BRIP1: variants seen among roughly 807,000 people sequenced by gnomAD.
BRIP1 encodes the protein BRCA1 interacting DNA helicase 1.
In BRIP1, 88 loss-of-function variants were observed where a neutral mutation model predicts 119.7. The observed-to-expected ratio is 0.74, with a 90% CI of 0.62 to 0.88. The LOEUF (loss-of-function observed/expected upper bound fraction) is 0.88. Among genes scored for constraint, BRIP1 ranks in the 40% least tolerant of loss-of-function variants. The probability of loss-of-function intolerance (pLI) is 0.00; values close to 1 mark genes in which losing one functional copy is unlikely to be tolerated. For missense variants in BRIP1, 1,259 were observed against 1,455.4 expected, an observed-to-expected ratio of 0.87 and a Z score of 2.20; for synonymous variants, 443 against 496.5, an observed-to-expected ratio of 0.89 and a Z score of 1.43.
intron 16 of BRIP1, among the ~76,000 whole-genome samples, chr17:61,731,641 C>T (rs144548742): frequency 1.2e-3 from 180 of 152,280 alleles, no homozygotes; most frequent in African/African-American, 4.0e-3. Flanking sequence ...ATTCTGTACA[C>T]ATTCATAACT....
In BRIP1 at chr17:61,683,182, T is replaced by C; in HGVS notation, c.*114A>G. ...ATAATAACATTTACATTTCTGAACA[T>C]AAAATAGTTTTTTAAAAAGTATGCC... On this transcript the variant is annotated 3_prime_UTR_variant, in exon 20 of 20. Coordinates refer to ENST00000259008, the MANE Select transcript of BRIP1 (RefSeq NM_032043.3). The surrounding 1 kb of genome is among the most constrained non-coding windows in gnomAD (Gnocchi z 4.7). The C allele has an allele frequency of 8.1e-7, 1 of 1,239,754 alleles. No homozygotes were observed. Among genetic ancestry groups the C allele is most frequent in the Non-Finnish European group, 1.1e-6 (1 of 879,446 alleles). The allele number at this position is 1,239,754 out of a possible 1,614,324, so 76.8% of individuals were successfully genotyped here.
At position 61,853,292 on chromosome 17, in the gene BRIP1, T is replaced by G. The variant is rs1301446422; in HGVS notation, c.379+3766A>C. Among the ~76,000 whole-genome samples the G allele has an allele frequency of 6.6e-6, 1 of 151,682 alleles. No individual in the cohort carries two copies. The highest frequency in any genetic ancestry group is 2.4e-5 in the African/African-American group (1 of 41,278). Reference sequence around the variant, plus strand: ...TCTGTAAAAAGGCAAAACTCATCAATGGTCACAGGAGGACAAGAATTACCT... The same window carrying G: ...TCTGTAAAAAGGCAAAACTCATCAAGGGTCACAGGAGGACAAGAATTACCT... On this transcript the variant is annotated intron_variant, in intron 4 of 19. Coordinates refer to ENST00000259008, the MANE Select transcript of BRIP1 (RefSeq NM_032043.3). This position sits in a 1 kb window ranked among gnomAD's most constrained non-coding sequence, Gnocchi z 4.3.
At chr17:61,850,591 G>A (rs773347458) in intron 4 of BRIP1, among the ~76,000 whole-genome samples, 1 of 152,036 alleles carries the variant, frequency 6.6e-6, no homozygotes, top group Admixed American at 6.5e-5. Flanking sequence ...ACTTTGGAAG[G>A]CCGAGGCGAG....
At chr17:61,685,756 C>T in intron 19 of BRIP1, 80 bp downstream of exon 19, 1 of 1,255,562 alleles carries the variant, frequency 8.0e-7, no homozygotes, top group Non-Finnish European at 1.2e-6. Flanking sequence ...AGGAATTAAT[C>T]TATACCCAAA....
Position 61,689,026 on chromosome 17 carries a change from C to CTGTTATGTTATGTTATGTTA in BRIP1, c.2576-2881_2576-2862dup, listed in dbSNP as rs142198967. ...TACTTTATTTTATATATTTTATATTCTGTTATGTTATGTTATGTTATGTTA... is the reference window on the plus strand; with the variant it reads ...TACTTTATTTTATATATTTTATATTCTGTTATGTTATGTTATGTTATGTTATGTTATGTTATGTTATGTTA... On this transcript the variant is annotated intron_variant, in intron 18 of 19. Coordinates refer to ENST00000259008, the MANE Select transcript of BRIP1 (RefSeq NM_032043.3). This position sits in a 1 kb window ranked among gnomAD's most constrained non-coding sequence, Gnocchi z 4.5. Among the ~76,000 whole-genome samples the CTGTTATGTTATGTTATGTTA allele has an allele frequency of 0.36, 51,785 of 145,512 alleles. 10,146 individuals carry two copies. Among genetic ancestry groups the CTGTTATGTTATGTTATGTTA allele is most frequent in the Admixed American group, 0.52 (7,501 of 14,378 alleles).
chr17:61,793,790 G>C lies in BRIP1; in HGVS notation c.1341-61C>G, dbSNP rs2077858729. ...CATCCTTACACACACTATTTCAGCA[G>C]AACAAGAGAATCATCATTATTGTCA... On this transcript the variant is annotated intron_variant, in intron 9 of 19. Transcript: ENST00000259008. The surrounding 1 kb of genome is among the most constrained non-coding windows in gnomAD (Gnocchi z 5.2). The C allele has an allele frequency of 1.6e-5, 25 of 1,519,508 alleles. No individual in the cohort carries two copies. In the Admixed American group the frequency reaches 4.1e-4, roughly 25 times the overall value. 94.1% of individuals were successfully genotyped at this position (1,519,508 alleles called of 1,614,324 possible).
At chr17:61,747,178 C>A (rs1318648432) in intron 14 of BRIP1, among the ~76,000 whole-genome samples, 1 of 151,384 alleles carries the variant, frequency 6.6e-6, no homozygotes, top group Non-Finnish European at 1.5e-5. Context: ...AGAAATACAC[C>A]AAAAGCAGTA....
At chr17:61,733,098 C>T (rs945795638) in intron 16 of BRIP1, among the ~76,000 whole-genome samples, 3 of 152,186 alleles carry the variant, frequency 2.0e-5, no homozygotes, top group African/African-American at 7.2e-5. Context: ...TCAAGTTCCT[C>T]TTGATATACT....
At position 61,798,343 on chromosome 17, in the gene BRIP1, A is replaced by T. The variant is rs953514951; in HGVS notation, c.1340+757T>A. Among the ~76,000 whole-genome samples, 7 of 152,024 alleles carry T rather than the reference A, an allele frequency of 4.6e-5. No homozygotes were observed. Among genetic ancestry groups the T allele is most frequent in the African/African-American group, 1.7e-4 (7 of 41,440 alleles). Reference sequence around the variant, plus strand: ...ATTTGGAAAATAGTGAGGGACAAGAAAATATATCTAATATTGGTTCATAAA... The same window carrying T: ...ATTTGGAAAATAGTGAGGGACAAGATAATATATCTAATATTGGTTCATAAA... On this transcript the variant is annotated intron_variant, in intron 9 of 19. Coordinates refer to ENST00000259008, the MANE Select transcript of BRIP1 (RefSeq NM_032043.3). The surrounding 1 kb of genome is among the most constrained non-coding windows in gnomAD (Gnocchi z 5.5).
chr17:61,766,770 T>G (rs897728840), intron 14 of BRIP1, among the ~76,000 whole-genome samples: 3 of 151,878 alleles, frequency 2.0e-5, no homozygotes, highest in African/African-American at 7.3e-5. Flanking sequence ...AAAGATGTAT[T>G]TTTTTTTAAG....
At position 61,751,505 on chromosome 17, in the gene BRIP1, C is replaced by T. The variant is rs2077130856; in HGVS notation, c.2098-6914G>A. ...ATTTTATGTCATGTGTATTTTACCA[C>T]AATTTTAAAAATTGAAAAGAACACA... On this transcript the variant is annotated intron_variant, in intron 14 of 19. Coordinates refer to ENST00000259008, the MANE Select transcript of BRIP1 (RefSeq NM_032043.3). The surrounding 1 kb of genome is among the most constrained non-coding windows in gnomAD (Gnocchi z 6.7). Among the ~76,000 whole-genome samples, 1 of 152,008 alleles carries T rather than the reference C, an allele frequency of 6.6e-6. No homozygotes were observed. Among genetic ancestry groups the T allele is most frequent in the Non-Finnish European group, 1.5e-5 (1 of 67,998 alleles).
chr17:61,750,231 G>A (rs1029629646), intron 14 of BRIP1, among the ~76,000 whole-genome samples: 1 of 152,158 alleles, frequency 6.6e-6, no homozygotes, highest in Non-Finnish European at 1.5e-5. Flanking sequence ...AAAGTGTGCT[G>A]CATTTTGTCA....
At position 61,794,595 on chromosome 17, in the gene BRIP1, A is replaced by C. The variant is rs1364036553; in HGVS notation, c.1341-866T>G. 3.3e-5 allele frequency among the ~76,000 whole-genome samples: 5 copies of C among 151,884 alleles called. No homozygotes were observed. Among genetic ancestry groups the C allele is most frequent in the African/African-American group, 1.2e-4 (5 of 41,354 alleles). On this transcript the variant is annotated intron_variant, in intron 9 of 19. Transcript: ENST00000259008. The surrounding 1 kb of genome is among the most constrained non-coding windows in gnomAD (Gnocchi z 4.3). ...AATAACTAATGAGTTATAAGGCTTA[A>C]TACCTGGGTGATGAAATAATATGTA...
chr17:61,680,317 A>C lies in BRIP1; in HGVS notation c.*2979T>G, dbSNP rs2144047174. ...CAGTGAGCCAAGATCGTGCCTTTGC[A>C]CTCCAGCCTGAGCGACAGAGCAAGA... On this transcript the variant is annotated 3_prime_UTR_variant, in exon 20 of 20. Coordinates refer to ENST00000259008, the MANE Select transcript of BRIP1 (RefSeq NM_032043.3). Among the ~76,000 whole-genome samples, 1 of 151,918 alleles carries C rather than the reference A, an allele frequency of 6.6e-6. No individual in the cohort carries two copies. The highest frequency in any genetic ancestry group is 1.5e-5 in the Non-Finnish European group (1 of 67,958).
At position 61,800,841 on chromosome 17, in the gene BRIP1, A is replaced by C. The variant is rs147968498; in HGVS notation, c.1140+412T>G. Among the ~76,000 whole-genome samples, 356 of 152,334 alleles carry C rather than the reference A, an allele frequency of 2.3e-3. 1 individual carries two copies. The highest frequency in any genetic ancestry group is 0.017 in the Middle Eastern group (5 of 294). ...TTTGTCTTATGCTGTTAACAATTGCATGTCTCTAAAAAGAACCAGGCAAAC... is the reference window on the plus strand; with the variant it reads ...TTTGTCTTATGCTGTTAACAATTGCCTGTCTCTAAAAAGAACCAGGCAAAC... On this transcript the variant is annotated intron_variant, in intron 8 of 19. Transcript: ENST00000259008.
In BRIP1 at chr17:61,679,978, G is replaced by C. The variant is rs2061252175; in HGVS notation, c.*3318C>G. Reference sequence around the variant, plus strand: ...CCTTTTGGAATTACTAAAGGGTTGTGACACATCTCTATGTACATTCTCAGT... The same window carrying C: ...CCTTTTGGAATTACTAAAGGGTTGTCACACATCTCTATGTACATTCTCAGT... On this transcript the variant is annotated 3_prime_UTR_variant, in exon 20 of 20. Coordinates refer to ENST00000259008, the MANE Select transcript of BRIP1 (RefSeq NM_032043.3). This position sits in a 1 kb window ranked among gnomAD's most constrained non-coding sequence, Gnocchi z 4.4. 6.6e-6 allele frequency among the ~76,000 whole-genome samples: 1 copy of C among 152,050 alleles called. No individual in the cohort carries two copies. Among genetic ancestry groups the C allele is most frequent in the Admixed American group, 6.6e-5 (1 of 15,246 alleles).
Position 61,752,799 on chromosome 17 carries a change from T to C in BRIP1, c.2098-8208A>G, listed in dbSNP as rs567711473. ...TAGAGAAAGAAAAGTGAACAGATTA[T>C]AAAAATACTTAAAATTAAAATGAGT... On this transcript the variant is annotated intron_variant, in intron 14 of 19. Coordinates refer to ENST00000259008, the MANE Select transcript of BRIP1 (RefSeq NM_032043.3). The surrounding 1 kb of genome is among the most constrained non-coding windows in gnomAD (Gnocchi z 6.2). 6.6e-6 allele frequency among the ~76,000 whole-genome samples: 1 copy of C among 152,266 alleles called. No individual in the cohort carries two copies. Among genetic ancestry groups the C allele is most frequent in the East Asian group, 1.9e-4 (1 of 5,184 alleles).
At chr17:61,800,928 C>G (rs1037275099) in intron 8 of BRIP1, among the ~76,000 whole-genome samples, 6 of 152,130 alleles carry the variant, frequency 3.9e-5, no homozygotes, top group Non-Finnish European at 8.8e-5. Context: ...ATTTTATTCC[C>G]CCACATAAGT....
rs1482010545 is a variant in BRIP1 at position 61,832,971 on chromosome 17, T to C, written c.627+14130A>G. On this transcript the variant is annotated intron_variant, in intron 6 of 19. Coordinates refer to ENST00000259008, the MANE Select transcript of BRIP1 (RefSeq NM_032043.3). The surrounding 1 kb of genome is among the most constrained non-coding windows in gnomAD (Gnocchi z 5.5). ...GGCTCAATAAAAAAAGATATTTGGA[T>C]TGTACTTCCAATTTCTCTATAATTT... 6.6e-6 allele frequency among the ~76,000 whole-genome samples: 1 copy of C among 152,220 alleles called. No homozygotes were observed. Among genetic ancestry groups the C allele is most frequent in the African/African-American group, 2.4e-5 (1 of 41,458 alleles).
Sources: allele counts gnomAD v4.1 joint callset (sites outside exome capture counted in the v4.1 genomes callset), GRCh38; gene constraint gnomAD v4.1.1; non-coding constraint Gnocchi (gnomAD v3.1); transcripts MANE v1.5; gene names NCBI Gene and HGNC (gene_info 2026-07-23, HGNC 2026-07-21).